The following TLL2 variants were observed in gnomAD, a reference collection of about 807,000 sequenced individuals.
TLL2 encodes tolloid-like protein 2.
In TLL2, 106 loss-of-function variants were observed where a neutral mutation model predicts 123.0. That is an observed-to-expected ratio of 0.86 (90% CI 0.74 to 1.01). The LOEUF (loss-of-function observed/expected upper bound fraction) is 1.01. Ranked by LOEUF, TLL2 falls within the 50% of genes least tolerant of loss-of-function variation. The probability of loss-of-function intolerance (pLI) is 0.00; values close to 1 mark genes in which losing one functional copy is unlikely to be tolerated. For synonymous variants in TLL2, 494 were observed against 516.8 expected (o/e 0.96, Z 0.60); for missense variants, 1,332 against 1,336.7 (o/e 1.00, Z 0.06).
intron 1 of TLL2, among the ~76,000 whole-genome samples, chr10:96,501,211 C>T (rs1847530365): frequency 6.6e-6 from 1 of 152,200 alleles, no homozygotes; most frequent in Admixed American, 6.5e-5. Context: ...TTAAGGAAAA[C>T]ATTTCATGTT....
intron 1 of TLL2, among the ~76,000 whole-genome samples, chr10:96,510,992 G>T (rs1282382869): frequency 2.6e-5 from 4 of 152,154 alleles, no homozygotes; most frequent in African/African-American, 9.7e-5. Context: ...GAGTCGTCCC[G>T]GTAACACAGA....
chr10:96,473,697 C>A (rs1357033194), intron 2 of TLL2, among the ~76,000 whole-genome samples: 1 of 152,140 alleles, frequency 6.6e-6, no homozygotes, highest in African/African-American at 2.4e-5. Context: ...TCCATCCGAG[C>A]CAATAAGTAA....
chr10:96,375,025 T>C lies in TLL2; in HGVS notation c.2449-1216A>G, dbSNP rs1452477721. Among the ~76,000 whole-genome samples the C allele has an allele frequency of 6.4e-5, 8 of 125,040 alleles. No individual in the cohort carries two copies. The South Asian group carries it at 1.9e-3, about 30-fold the overall frequency. 82.0% of individuals were successfully genotyped at this position (125,040 alleles called of 152,430 possible). ...TGGCCTGGCAGCGCAGAGATGGAGG[T>C]TGGGAGGGGGAAGGGACCAGCACGG... On this transcript the variant is annotated intron_variant, in intron 18 of 20. Coordinates refer to ENST00000357947, the MANE Select transcript of TLL2 (RefSeq NM_012465.4).
chr10:96,368,104 A>G lies in TLL2; in HGVS notation c.3032T>C (p.Leu1011Pro). Residue 1011 changes from leucine (L) to proline (P), a missense_variant, in exon 21 of 21, where the codon CTG becomes CCG. Transcript: ENST00000357947. ...ACATCAGCACTATTTCTTCATGTGC[A>G]GGGCATCCTGGAACTTGGTGCTGGT... Reference protein sequence around the residue: ...RYTSTKFQDALHMKK With the variant: ...RYTSTKFQDAPHMKK 1 of 1,614,230 alleles carries G rather than the reference A, an allele frequency of 6.2e-7. No individual in the cohort carries two copies.
chr10:96,435,440 C>T (rs1251593970), intron 3 of TLL2, among the ~76,000 whole-genome samples: 1 of 152,108 alleles, frequency 6.6e-6, no homozygotes, highest in Non-Finnish European at 1.5e-5. Context: ...TAATAGTGTC[C>T]TTTGAAGCAC....
chr10:96,453,155 C>CT (rs751083810), intron 2 of TLL2, among the ~76,000 whole-genome samples: 3 of 152,124 alleles, frequency 2.0e-5, no homozygotes, highest in Non-Finnish European at 4.4e-5. Flanking sequence ...TAATCAAAAT[C>CT]TTTTAAAACA....
intron 2 of TLL2, among the ~76,000 whole-genome samples, chr10:96,466,625 T>C (rs1847134112): frequency 6.6e-6 from 1 of 152,196 alleles, no homozygotes; most frequent in South Asian, 2.1e-4. Context: ...CTGTCTGTTG[T>C]TTTCTAAGAA....
At chr10:96,490,761 A>T (rs1479288836) in intron 1 of TLL2, among the ~76,000 whole-genome samples, 1 of 152,212 alleles carries the variant, frequency 6.6e-6, no homozygotes, top group Non-Finnish European at 1.5e-5. Flanking sequence ...TCCACTACCA[A>T]TCCCAGCTAT....
intron 2 of TLL2, among the ~76,000 whole-genome samples, chr10:96,463,010 C>T (rs575858165): frequency 6.4e-4 from 97 of 152,312 alleles, no homozygotes; most frequent in African/African-American, 2.2e-3. Flanking sequence ...TCAAATTTTT[C>T]GTTGCTTTGC....
At chr10:96,513,267 G>C (rs1847649445) in intron 1 of TLL2, among the ~76,000 whole-genome samples, 1 of 152,304 alleles carries the variant, frequency 6.6e-6, no homozygotes, top group Admixed American at 6.5e-5. Flanking sequence ...CACCCGCTCT[G>C]ATTCGCTTTG....
chr10:96,461,859 C>A (rs1170424510), intron 2 of TLL2, among the ~76,000 whole-genome samples: 3 of 152,214 alleles, frequency 2.0e-5, no homozygotes, highest in African/African-American at 7.2e-5. Flanking sequence ...CAGTCACCAC[C>A]CCCAAGGAGC....
chr10:96,505,336 G>A (rs1272688934), intron 1 of TLL2, among the ~76,000 whole-genome samples: 1 of 152,200 alleles, frequency 6.6e-6, no homozygotes, highest in Non-Finnish European at 1.5e-5. Flanking sequence ...CTTGACACGT[G>A]GGGATTACAA....
At chr10:96,499,812 G>C (rs1465159573) in intron 1 of TLL2, among the ~76,000 whole-genome samples, 1 of 151,892 alleles carries the variant, frequency 6.6e-6, no homozygotes, top group East Asian at 1.9e-4. Flanking sequence ...ATCTCAATTA[G>C]CAGAAGAAAT....
rs1474284129 is a variant in TLL2, at chr10:96,366,224, G to C, written c.*1864C>G. On this transcript the variant is annotated 3_prime_UTR_variant, in exon 21 of 21. Coordinates refer to ENST00000357947, the MANE Select transcript of TLL2 (RefSeq NM_012465.4). The stretch of plus-strand genomic sequence containing the variant: ...CATGAGGTCAGCTGCTCCATTTGCT[G>C]TATCAAAGCGCACGCTGGGCAGGGT... The C allele has an allele frequency of 6.6e-6, 1 of 152,598 alleles. No homozygotes were observed. The highest frequency in any genetic ancestry group is 1.5e-5 in the Non-Finnish European group (1 of 68,046). 9.5% of individuals were successfully genotyped at this position (152,598 alleles called of 1,614,324 possible). A position where few individuals can be genotyped will look rare whatever the true frequency, so the allele number is the denominator to read the frequency against.
At chr10:96,478,836 A>G (rs1056297246) in intron 2 of TLL2, among the ~76,000 whole-genome samples, 3 of 152,152 alleles carry the variant, frequency 2.0e-5, no homozygotes, top group Non-Finnish European at 4.4e-5. Flanking sequence ...TGGGGTCTGG[A>G]ATGTTCCTTA....
intron 3 of TLL2, among the ~76,000 whole-genome samples, chr10:96,434,109 A>T (rs1780005172): frequency 6.6e-6 from 1 of 151,998 alleles, no homozygotes; most frequent in African/African-American, 2.4e-5. Flanking sequence ...CATTAATGTT[A>T]TTTACTTTAT....
chr10:96,417,188 G>A (rs1437128176), intron 7 of TLL2, among the ~76,000 whole-genome samples: 1 of 152,186 alleles, frequency 6.6e-6, no homozygotes, highest in African/African-American at 2.4e-5. Context: ...TCCAACATGA[G>A]GTACAGGCCA....
At chr10:96,393,377 A>C (rs1846307205) in intron 13 of TLL2, among the ~76,000 whole-genome samples, 1 of 152,258 alleles carries the variant, frequency 6.6e-6, no homozygotes, top group Non-Finnish European at 1.5e-5. Context: ...GAACGGGACT[A>C]AACACTACAC....
chr10:96,397,437 G>GT (rs1846352911), intron 10 of TLL2, 135 bp from the exon 11 acceptor site: 2 of 576,342 alleles, frequency 3.5e-6, no homozygotes, highest in Middle Eastern at 2.9e-4. Context: ...AACTTATCCT[G>GT]TAGCACACAC....
Sources: allele counts gnomAD v4.1 joint callset (sites outside exome capture counted in the v4.1 genomes callset), GRCh38; gene constraint gnomAD v4.1.1; transcripts MANE v1.5; gene names NCBI Gene and HGNC (gene_info 2026-07-23, HGNC 2026-07-21).